CCDC178: variants seen among roughly 807,000 people sequenced by gnomAD.
The protein encoded by CCDC178 is coiled-coil domain-containing protein 178.
In CCDC178, 126 loss-of-function variants were observed where a neutral mutation model predicts 117.4. That is an observed-to-expected ratio of 1.07 (90% CI 0.93 to 1.24). The LOEUF is 1.24. Ranked by LOEUF, CCDC178 falls within the 50% of genes most tolerant of loss-of-function variation. The pLI is 0.00. For missense variants in CCDC178, 1,030 were observed against 986.9 expected (o/e 1.04, Z -0.59); for synonymous variants, 283 against 313.4 (o/e 0.90, Z 1.02).
At chr18:33,149,529 A>G (rs1055460952) in intron 20 of CCDC178, among the ~76,000 whole-genome samples, 2 of 152,194 alleles carry the variant, frequency 1.3e-5, no homozygotes, top group African/African-American at 4.8e-5. Context: ...TCATCTACCA[A>G]CACTATCAGA....
At chr18:33,158,186 T>C (rs560407673) in intron 20 of CCDC178, among the ~76,000 whole-genome samples, 34 of 152,290 alleles carry the variant, frequency 2.2e-4, no homozygotes, top group Admixed American at 1.8e-3. Context: ...TTTCCTAATA[T>C]TATTTCTGTG....
At chr18:33,227,872 A>G (rs1303589755) in intron 15 of CCDC178, among the ~76,000 whole-genome samples, 2 of 152,166 alleles carry the variant, frequency 1.3e-5, no homozygotes, top group African/African-American at 4.8e-5. Flanking sequence ...ATCTACATCT[A>G]AAATGAATTT....
chr18:33,304,362 A>T (rs1402320196), intron 11 of CCDC178, among the ~76,000 whole-genome samples: 1 of 152,180 alleles, frequency 6.6e-6, no homozygotes, highest in African/African-American at 2.4e-5. Context: ...GTTTCCACAC[A>T]CTGTAGGCCT....
intron 14 of CCDC178, among the ~76,000 whole-genome samples, chr18:33,257,928 T>C (rs1215074565): frequency 6.6e-6 from 1 of 151,998 alleles, no homozygotes; most frequent in East Asian, 1.9e-4. Context: ...CTTCATACCC[T>C]CTATAAGCTC....
intron 21 of CCDC178, among the ~76,000 whole-genome samples, chr18:33,082,759 TA>T (rs1054104837): frequency 6.6e-6 from 1 of 151,542 alleles, no homozygotes; most frequent in Non-Finnish European, 1.5e-5. Flanking sequence ...ATACGTATTC[TA>T]AAAAAATAAA....
intron 15 of CCDC178, among the ~76,000 whole-genome samples, chr18:33,227,948 A>G (rs2059327185): frequency 6.6e-6 from 1 of 152,226 alleles, no homozygotes; most frequent in Non-Finnish European, 1.5e-5. Context: ...TAGCAGATAC[A>G]GCACAGTTTT....
At chr18:33,357,667 T>C (rs2144717900) in intron 6 of CCDC178, among the ~76,000 whole-genome samples, 1 of 152,254 alleles carries the variant, frequency 6.6e-6, no homozygotes, top group East Asian at 1.9e-4. Flanking sequence ...TACCTTGGGT[T>C]GTACAAGTCA....
chr18:33,338,196 A>G (rs1291384053), intron 9 of CCDC178, among the ~76,000 whole-genome samples: 1 of 152,194 alleles, frequency 6.6e-6, no homozygotes. Context: ...TCAAAACCAC[A>G]ATGTGATACC....
chr18:32,946,837 T>G (rs1347382156), intron 22 of CCDC178, among the ~76,000 whole-genome samples: 1 of 151,420 alleles, frequency 6.6e-6, no homozygotes, highest in East Asian at 1.9e-4. Flanking sequence ...TGGAGTGCAG[T>G]GTCGCAATCT....
intron 14 of CCDC178, among the ~76,000 whole-genome samples, chr18:33,251,573 C>T (rs540029160): frequency 1.3e-5 from 2 of 151,780 alleles, no homozygotes; most frequent in East Asian, 3.9e-4. Flanking sequence ...CAAAGTCCTT[C>T]GAGTGTCTCC....
At chr18:33,285,966 G>T (rs573187311) in intron 12 of CCDC178, among the ~76,000 whole-genome samples, 52 of 133,724 alleles carry the variant, frequency 3.9e-4, no homozygotes, top group African/African-American at 1.4e-3. Flanking sequence ...TAAAAAATTA[G>T]CAATGTGTAT....
intron 14 of CCDC178, among the ~76,000 whole-genome samples, chr18:33,261,002 G>A (rs1187380474): frequency 6.6e-6 from 1 of 151,852 alleles, no homozygotes; most frequent in African/African-American, 2.4e-5. Context: ...AATTTCCGAA[G>A]CCTAGTTCTA....
rs79560025 is a variant in CCDC178, at chr18:33,326,044, G to A, written c.880-2411C>T. 5.6e-3 allele frequency among the ~76,000 whole-genome samples: 854 copies of A among 152,298 alleles called. 2 individuals are homozygous for A. The highest frequency in any genetic ancestry group is 9.3e-3 in the Non-Finnish European group (631 of 68,032). ...GATTCTCCTAGTGGGAAGACACAAC[G>A]CAGTGAAACTGGGCTAGATGAAAGG... On this transcript the variant is annotated intron_variant, in intron 10 of 22. Transcript: ENST00000383096.
intron 19 of CCDC178, 25 bp downstream of exon 19, chr18:33,215,525 A>G: frequency 1.7e-6 from 2 of 1,159,954 alleles, no homozygotes; most frequent in Non-Finnish European, 2.3e-6. Context: ...AAAACTTCAT[A>G]TTTTGATAAA....
intron 15 of CCDC178, among the ~76,000 whole-genome samples, chr18:33,238,613 T>A (rs956768021): frequency 2.0e-5 from 3 of 151,916 alleles, no homozygotes; most frequent in African/African-American, 7.3e-5. Flanking sequence ...AGGAAAACAA[T>A]GAAAAGAATG....
chr18:33,162,779 A>G (rs547138496), intron 20 of CCDC178, among the ~76,000 whole-genome samples: 41 of 152,220 alleles, frequency 2.7e-4, no homozygotes, highest in African/African-American at 9.6e-4. Context: ...TTTTTTATGG[A>G]TGCATAGTAT....
chr18:33,175,014 G>A (rs987912535), intron 20 of CCDC178, among the ~76,000 whole-genome samples: 2 of 150,566 alleles, frequency 1.3e-5, no homozygotes, highest in African/African-American at 2.5e-5. Flanking sequence ...GCTACAACCC[G>A]GCTAATTTTT....
intron 22 of CCDC178, among the ~76,000 whole-genome samples, chr18:32,948,680 T>A (rs1451071198): frequency 6.6e-6 from 1 of 152,126 alleles, no homozygotes; most frequent in Non-Finnish European, 1.5e-5. Context: ...ATACATTTAT[T>A]CTCTGTTGGT....
Position 33,218,888 on chromosome 18 carries a change from C to T in CCDC178, c.1933-3193G>A, listed in dbSNP as rs1363640825. Among the ~76,000 whole-genome samples the T allele has an allele frequency of 7.2e-5, 11 of 152,066 alleles. No homozygotes were observed. The East Asian group carries it at 1.2e-3, about 16-fold the overall frequency. ...TATAGTTTGAAGTCAGGTAGCGTGA[C>T]GCCTCTAGCTTTGCTCTTTTGGCTT... On this transcript the variant is annotated intron_variant, in intron 18 of 22. Coordinates refer to ENST00000383096, the MANE Select transcript of CCDC178 (RefSeq NM_001105528.4).
Sources: gnomAD v4.1 joint callset for allele counts (sites outside exome capture counted in the v4.1 genomes callset) on GRCh38, gnomAD v4.1.1 for gene constraint, MANE v1.5 for transcripts, NCBI Gene and HGNC (gene_info 2026-07-23, HGNC 2026-07-21) for gene names.